GALNT17: variants seen among roughly 807,000 people sequenced by gnomAD.
GALNT17 encodes the protein UDP-GalNAc:polypeptide N-acetylgalactosaminyltransferase-like 3.
In GALNT17, 29 loss-of-function variants were observed where a neutral mutation model predicts 63.7. The ratio of observed to expected loss-of-function variants is 0.46; its 90% CI spans 0.34 to 0.62. The LOEUF is 0.62. Among genes scored for constraint, GALNT17 ranks in the 20% least tolerant of loss-of-function variants. The pLI is 0.01. For missense variants in GALNT17, 603 were observed against 799.6 expected (o/e 0.75, Z 2.97); for synonymous variants, 305 against 318.3 (o/e 0.96, Z 0.45).
At chr7:71,140,715 C>T (rs369749362) in intron 1 of GALNT17, among the ~76,000 whole-genome samples, 4 of 152,150 alleles carry the variant, frequency 2.6e-5, no homozygotes, top group African/African-American at 4.8e-5. Flanking sequence ...AGATGACCTG[C>T]GAGTCTTTAA....
intron 6 of GALNT17, among the ~76,000 whole-genome samples, chr7:71,574,634 A>T (rs4717604): frequency 0.34 from 50,915 of 151,916 alleles, 8,689 homozygotes; most frequent in African/African-American, 0.37. Flanking sequence ...TCTACACAGA[A>T]TTCTCTGGTT....
At chr7:71,704,342 G>C (rs1196411233) in intron 9 of GALNT17, among the ~76,000 whole-genome samples, 1 of 152,156 alleles carries the variant, frequency 6.6e-6, no homozygotes, top group Admixed American at 6.6e-5. Context: ...CACTGAAAAT[G>C]AGAAAACATT....
intron 1 of GALNT17, among the ~76,000 whole-genome samples, chr7:71,294,690 C>T (rs887980244): frequency 6.6e-6 from 1 of 152,164 alleles, no homozygotes; most frequent in Non-Finnish European, 1.5e-5. Context: ...GCTGGGATTA[C>T]AGGTGTGAGA....
At chr7:71,430,585 G>A (rs1376899880) in intron 5 of GALNT17, among the ~76,000 whole-genome samples, 1 of 152,140 alleles carries the variant, frequency 6.6e-6, no homozygotes, top group Non-Finnish European at 1.5e-5. Flanking sequence ...TAGTGACATT[G>A]CTCATGAATA....
chr7:71,251,333 A>G (rs1790194154), intron 1 of GALNT17, among the ~76,000 whole-genome samples: 1 of 152,212 alleles, frequency 6.6e-6, no homozygotes, highest in African/African-American at 2.4e-5. Flanking sequence ...TCATTTTAAA[A>G]TGTCATTCAA....
intron 5 of GALNT17, among the ~76,000 whole-genome samples, chr7:71,504,991 A>G (rs991021125): frequency 1.3e-5 from 2 of 152,058 alleles, no homozygotes; most frequent in East Asian, 1.9e-4. Flanking sequence ...CCACACTGCA[A>G]TCTTAGGGCA....
At chr7:71,172,198 G>A (rs956517868) in intron 1 of GALNT17, among the ~76,000 whole-genome samples, 3 of 152,134 alleles carry the variant, frequency 2.0e-5, no homozygotes, top group African/African-American at 7.2e-5. Flanking sequence ...GGGTGCAGTG[G>A]CTCACGCTTG....
At chr7:71,573,957 A>G (rs1034640139) in intron 6 of GALNT17, among the ~76,000 whole-genome samples, 1 of 152,060 alleles carries the variant, frequency 6.6e-6, no homozygotes, top group East Asian at 1.9e-4. Context: ...CATTAATTCG[A>G]TTAGGATAAT....
chr7:71,217,423 T>C lies in GALNT17; in HGVS notation c.238+84383T>C, dbSNP rs572707642. 2.0e-5 allele frequency among the ~76,000 whole-genome samples: 3 copies of C among 152,326 alleles called. No individual in the cohort carries two copies. The South Asian group carries it at 6.2e-4, about 32-fold the overall frequency. ...CATGAGCCTTCAGTAATCAGCATAT[T>C]GTTGCATTTGATTTACCACAGATGG... On this transcript the variant is annotated intron_variant, in intron 1 of 10. Transcript: ENST00000333538.
At chr7:71,324,931 T>C (rs1443208928) in intron 1 of GALNT17, among the ~76,000 whole-genome samples, 3 of 152,212 alleles carry the variant, frequency 2.0e-5, no homozygotes, top group Non-Finnish European at 4.4e-5. Flanking sequence ...AAAATGGGGC[T>C]ATCTTTTCTT....
rs911755446 is a variant in GALNT17 at position 71,222,914 on chromosome 7, C to A, written c.238+89874C>A. 5.3e-5 allele frequency among the ~76,000 whole-genome samples: 8 copies of A among 152,006 alleles called. No individual in the cohort carries two copies. The South Asian group carries it at 6.2e-4, about 12-fold the overall frequency. On this transcript the variant is annotated intron_variant, in intron 1 of 10. Coordinates refer to ENST00000333538, the MANE Select transcript of GALNT17 (RefSeq NM_022479.3). ...AGCCAGACCCTTCCTCTACAAAAAA[C>A]CCCCCAAAATTAGCTGGTCACCGTG...
At chr7:71,407,844 A>G (rs375671953) in intron 3 of GALNT17, among the ~76,000 whole-genome samples, 7 of 152,172 alleles carry the variant, frequency 4.6e-5, no homozygotes, top group African/African-American at 7.2e-5. Flanking sequence ...CTCCATTTTC[A>G]TGAACCATGT....
intron 5 of GALNT17, among the ~76,000 whole-genome samples, chr7:71,568,144 G>A (rs56268443): frequency 0.31 from 47,671 of 152,072 alleles, 7,619 homozygotes; most frequent in Admixed American, 0.35. Context: ...CTTTGGCAGT[G>A]GGGGCATTTG....
intron 6 of GALNT17, 115 bp downstream of exon 6, chr7:71,571,517 T>C: frequency 1.2e-6 from 1 of 836,434 alleles, no homozygotes; most frequent in South Asian, 1.5e-5. Context: ...CAGATTCATT[T>C]ACTCCACCTT....
In GALNT17 at chr7:71,289,300, T is replaced by C. The variant is rs190157349; in HGVS notation, c.239-46250T>C. 1.5e-3 allele frequency among the ~76,000 whole-genome samples: 232 copies of C among 152,200 alleles called. 1 individual carries two copies. The highest frequency in any genetic ancestry group is 4.7e-3 in the African/African-American group (197 of 41,514). The stretch of plus-strand genomic sequence containing the variant: ...AGGAAATAATTGAATTAAAATATTC[T>C]GGAGATTTTGCTTTTATGTACATTT... On this transcript the variant is annotated intron_variant, in intron 1 of 10. Transcript: ENST00000333538.
intron 6 of GALNT17, among the ~76,000 whole-genome samples, chr7:71,587,414 A>T (rs73369284): frequency 0.043 from 6,502 of 152,096 alleles, 234 homozygotes; most frequent in African/African-American, 0.09. Flanking sequence ...TTTTGAGCTT[A>T]TAGTTAATTT....
chr7:71,185,298 C>T (rs75250179), intron 1 of GALNT17, among the ~76,000 whole-genome samples: 3,435 of 151,414 alleles, frequency 0.023, 45 homozygotes, highest in Middle Eastern at 0.041. Context: ...CTTGACTTCT[C>T]GGGCTCAGGT....
intron 1 of GALNT17, among the ~76,000 whole-genome samples, chr7:71,156,551 C>G (rs73361731): frequency 0.038 from 5,701 of 149,902 alleles, 456 homozygotes; most frequent in African/African-American, 0.13. Context: ...GCTGTTGTGA[C>G]AATTAAATTC....
chr7:71,666,499 C>T (rs1266126516), intron 7 of GALNT17, among the ~76,000 whole-genome samples: 1 of 151,674 alleles, frequency 6.6e-6, no homozygotes, highest in African/African-American at 2.4e-5. Context: ...CTGGTGCAAC[C>T]GTCACCCGAT....
Sources: allele counts gnomAD v4.1 joint callset (sites outside exome capture counted in the v4.1 genomes callset), GRCh38; gene constraint gnomAD v4.1.1; transcripts MANE v1.5; gene names NCBI Gene and HGNC (gene_info 2026-07-23, HGNC 2026-07-21).